Variants in ZCCHC10 observed in about 807,000 individuals in gnomAD.
ZCCHC10 encodes the protein zinc finger CCHC domain-containing protein 10.
A neutral mutation model predicts 19.5 loss-of-function variants in ZCCHC10; 16 were observed. The observed-to-expected ratio is 0.82, with a 90% CI of 0.56 to 1.25. The LOEUF is 1.25. Among genes scored for constraint, ZCCHC10 ranks in the 50% most tolerant of loss-of-function variants. The pLI is 0.00. For missense variants in ZCCHC10, 197 were observed against 201.0 expected (o/e 0.98, Z 0.12); for synonymous variants, 67 against 72.5 (o/e 0.92, Z 0.38).
At chr5:133,021,895 G>A (rs1764336993) in intron 2 of ZCCHC10, among the ~76,000 whole-genome samples, 1 of 151,708 alleles carries the variant, frequency 6.6e-6, no homozygotes. Flanking sequence ...CCAGGTTATA[G>A]TGATTCTCCT....
In ZCCHC10 at chr5:132,997,166, GGCA is replaced by G. The variant is rs772491937; in HGVS notation, c.*1414_*1416del. ...ATCTGTCAAGTGATAATATTCTGTAGGCAGCCTTTGAAATGATGTTTTGAGAAT... is the reference window on the plus strand; with the variant it reads ...ATCTGTCAAGTGATAATATTCTGTAGGCCTTTGAAATGATGTTTTGAGAAT... On this transcript the variant is annotated 3_prime_UTR_variant, in exon 5 of 5. Transcript: ENST00000509437. 6 of 152,186 alleles carry G rather than the reference GGCA, an allele frequency of 3.9e-5. No homozygotes were observed. The highest frequency in any genetic ancestry group is 3.4e-3 in the Middle Eastern group (1 of 294). The allele number at this position is 152,186 out of a possible 1,614,324, so 9.4% of individuals were successfully genotyped here. A position where few individuals can be genotyped will look rare whatever the true frequency, so the allele number is the denominator to read the frequency against.
At position 132,997,139 on chromosome 5, in the gene ZCCHC10, C is replaced by G. The variant is rs1342851997; in HGVS notation, c.*1444G>C. ...GTGCCTGATTGGTAATTTATTAACT[C>G]TATCTGTCAAGTGATAATATTCTGT... On this transcript the variant is annotated 3_prime_UTR_variant, in exon 5 of 5. Coordinates refer to ENST00000509437, the MANE Select transcript of ZCCHC10 (RefSeq NM_001300816.3). 1 of 152,148 alleles carries G rather than the reference C, an allele frequency of 6.6e-6. No individual in the cohort carries two copies. Among genetic ancestry groups the G allele is most frequent in the African/African-American group, 2.4e-5 (1 of 41,434 alleles). The allele number at this position is 152,148 out of a possible 1,614,324, so 9.4% of individuals were successfully genotyped here.
intron 2 of ZCCHC10, among the ~76,000 whole-genome samples, chr5:133,015,588 A>G (rs967387046): frequency 2.0e-5 from 3 of 152,158 alleles, no homozygotes; most frequent in Admixed American, 2.0e-4. Flanking sequence ...AGCCTCCACA[A>G]TGACCCATGT....
intron 1 of ZCCHC10, among the ~76,000 whole-genome samples, chr5:133,024,103 C>A (rs1407913081): frequency 6.6e-6 from 1 of 152,206 alleles, no homozygotes; most frequent in Non-Finnish European, 1.5e-5. Context: ...TCATGTAACT[C>A]ATGTACCAAA....
chr5:133,019,762 C>T (rs891418228), intron 2 of ZCCHC10, among the ~76,000 whole-genome samples: 2 of 151,776 alleles, frequency 1.3e-5, no homozygotes, highest in African/African-American at 4.8e-5. Flanking sequence ...CAAGACCAGC[C>T]TGGCCAACAT....
intron 3 of ZCCHC10, among the ~76,000 whole-genome samples, chr5:133,006,341 AT>A (rs1398220825): frequency 6.6e-6 from 1 of 152,144 alleles, no homozygotes; most frequent in Non-Finnish European, 1.5e-5. Flanking sequence ...ATAGCTTTCC[AT>A]GTCAGCTCAT....
intron 2 of ZCCHC10, among the ~76,000 whole-genome samples, chr5:133,020,521 G>A (rs1336158931): frequency 6.6e-6 from 1 of 151,482 alleles, no homozygotes; most frequent in African/African-American, 2.4e-5. Flanking sequence ...TACTCAGGAG[G>A]CTGTGGTGGG....
At chr5:133,008,446 G>A (rs1346029784) in intron 2 of ZCCHC10, among the ~76,000 whole-genome samples, 3 of 149,368 alleles carry the variant, frequency 2.0e-5, no homozygotes, top group African/African-American at 7.5e-5. Flanking sequence ...GCTGAGGCAG[G>A]AGAATCATTT....
intron 3 of ZCCHC10, among the ~76,000 whole-genome samples, chr5:133,003,737 G>A (rs1762923783): frequency 6.6e-6 from 1 of 152,160 alleles, no homozygotes; most frequent in African/African-American, 2.4e-5. Context: ...GCGAGATACA[G>A]TCTCACTGTA....
chr5:133,012,395 G>A (rs1763614278), intron 2 of ZCCHC10, among the ~76,000 whole-genome samples: 1 of 151,472 alleles, frequency 6.6e-6, no homozygotes, highest in African/African-American at 2.4e-5. Flanking sequence ...TTGAACTCAG[G>A]AGGCAGAGGT....
chr5:133,011,712 C>T (rs1763547416), intron 2 of ZCCHC10, among the ~76,000 whole-genome samples: 1 of 149,918 alleles, frequency 6.7e-6, no homozygotes, highest in African/African-American at 2.5e-5. Flanking sequence ...ATACCATGTT[C>T]ATAGACTGGA....
chr5:133,026,095 A>T (rs1341156956), intron 1 of ZCCHC10, among the ~76,000 whole-genome samples: 2 of 152,226 alleles, frequency 1.3e-5, no homozygotes, highest in African/African-American at 4.8e-5. Context: ...AGGAAAAGGC[A>T]GCTGGGCTGG....
At chr5:133,020,485 T>C (rs1480744512) in intron 2 of ZCCHC10, among the ~76,000 whole-genome samples, 2 of 151,602 alleles carry the variant, frequency 1.3e-5, no homozygotes, top group Admixed American at 6.6e-5. Context: ...TTGCTGAATG[T>C]AGTGGGTTGC....
Position 132,998,679 on chromosome 5 carries a change from AGAG to A in ZCCHC10, c.480_482del (p.Ser161del), listed in dbSNP as rs991351652. 2.5e-6 allele frequency: 4 copies of A among 1,614,056 alleles called. No homozygotes were observed. In the African/African-American group the frequency reaches 5.3e-5, roughly 22 times the overall value. On this transcript the variant is annotated inframe_deletion, in exon 5 of 5. Coordinates refer to ENST00000509437, the MANE Select transcript of ZCCHC10 (RefSeq NM_001300816.3). Reference sequence around the variant, plus strand: ...AAGAGCTGGAATCTGAGTCTGAATCAGAGGAGGAGGAAGAGGTTGTGGAGGAGG... The same window carrying A: ...AAGAGCTGGAATCTGAGTCTGAATCAGAGGAGGAAGAGGTTGTGGAGGAGG...
intron 3 of ZCCHC10, 79 bp downstream of exon 3, chr5:133,006,680 C>T: frequency 7.4e-7 from 1 of 1,347,714 alleles, no homozygotes; most frequent in African/African-American, 1.5e-5. Context: ...TGGAGAACCA[C>T]CATGAAACGT....
At position 133,022,842 on chromosome 5, in the gene ZCCHC10, T is replaced by C; in HGVS notation, c.106A>G (p.Ser36Gly). Residue 36 changes from serine to glycine, a missense_variant and splice_region_variant, in exon 2 of 5, where the codon AGT becomes GGT. By Grantham distance (56) the Ser-to-Gly change is moderately conservative. Coordinates refer to ENST00000509437, the MANE Select transcript of ZCCHC10 (RefSeq NM_001300816.3). ...WILIQPSIVISEANKQHVRCQ... is the reference protein window; with the variant it reads ...WILIQPSIVIGEANKQHVRCQ... ...TTGACACAAAGCTGAGAGGGATACC[T>C]AATAACGATGGATGGCTGAATCAGG... 1.7e-6 allele frequency: 1 copy of C among 603,598 alleles called. No individual in the cohort carries two copies. Among genetic ancestry groups the C allele is most frequent in the Admixed American group, 3.1e-5 (1 of 32,622 alleles). 37.4% of individuals were successfully genotyped at this position (603,598 alleles called of 1,614,324 possible). A position where few individuals can be genotyped will look rare whatever the true frequency, so the allele number is the denominator to read the frequency against.
At chr5:133,006,964 G>C (rs1341713751) in intron 2 of ZCCHC10, 44 bp from the exon 3 acceptor site, 1 of 1,522,152 alleles carries the variant, frequency 6.6e-7, no homozygotes, top group Non-Finnish European at 8.8e-7. Flanking sequence ...ATTCTGTCTT[G>C]TGACTTTCAC....
At chr5:133,019,196 C>T (rs1339021473) in intron 2 of ZCCHC10, 1 of 355,812 alleles carries the variant, frequency 2.8e-6, no homozygotes, top group Non-Finnish European at 5.5e-6. Context: ...GCCTGGGCAA[C>T]ACTGTCTCTA....
chr5:133,004,952 T>C (rs1232764459), intron 3 of ZCCHC10, among the ~76,000 whole-genome samples: 1 of 152,172 alleles, frequency 6.6e-6, no homozygotes, highest in African/African-American at 2.4e-5. Flanking sequence ...TGCTTTTTAA[T>C]TGACAATTCA....
Sources: gnomAD v4.1 joint callset for allele counts (sites outside exome capture counted in the v4.1 genomes callset) on GRCh38, gnomAD v4.1.1 for gene constraint, MANE v1.5 for transcripts, NCBI Gene and HGNC (gene_info 2026-07-23, HGNC 2026-07-21) for gene names.